Variants in ZRANB3 observed in about 807,000 individuals in gnomAD.
The protein encoded by ZRANB3 is zinc finger RANBP2-type containing 3.
ZRANB3 carries 125 observed loss-of-function variants against 133.8 expected under a neutral mutation model. That is an observed-to-expected ratio of 0.93 (90% CI 0.81 to 1.08). ZRANB3 has a LOEUF of 1.08. Among genes scored for constraint, ZRANB3 ranks in the 50% least tolerant of loss-of-function variants. The pLI, the probability that ZRANB3 is intolerant of heterozygous loss-of-function variation, is 0.00. For synonymous variants in ZRANB3, 387 were observed against 432.7 expected, an observed-to-expected ratio of 0.89 and a Z score of 1.31; for missense variants, 1,229 against 1,275.5, an observed-to-expected ratio of 0.96 and a Z score of 0.56.
rs758344062 is a variant in ZRANB3, at chr2:135,268,984, A to C, written c.1364T>G (p.Met455Arg). ...TACCTTGCGATTCAACATTCCCCAC[A>C]TAAGGGTGTCTAGGGTTCCATTTGC... Reference protein sequence around the residue: ...LIANGTLDTLMWGMLNRKAQV... With the variant: ...LIANGTLDTLRWGMLNRKAQV... The change falls in exon 11 of 21, where the codon ATG becomes AGG. Residue 455 changes from methionine to arginine, a missense_variant. By Grantham distance (91) the Met-to-Arg change is moderately conservative. Transcript: ENST00000264159. 7 of 1,607,160 alleles carry C rather than the reference A, an allele frequency of 4.4e-6. No individual in the cohort carries two copies. The African/African-American group carries it at 8.0e-5, about 18-fold the overall frequency.
At chr2:135,458,047 G>T (rs1004739656) in intron 2 of ZRANB3, among the ~76,000 whole-genome samples, 3 of 152,046 alleles carry the variant, frequency 2.0e-5, no homozygotes, top group African/African-American at 7.2e-5. Context: ...TTACATCTTT[G>T]ATCTATTTTG....
intron 8 of ZRANB3, among the ~76,000 whole-genome samples, chr2:135,306,762 G>T (rs1302126414): frequency 6.6e-6 from 1 of 151,804 alleles, no homozygotes; most frequent in Admixed American, 6.6e-5. Flanking sequence ...CTAATTTTTT[G>T]TATTTCTGGT....
chr2:135,239,465 C>T (rs1219703420), intron 12 of ZRANB3, among the ~76,000 whole-genome samples: 1 of 151,502 alleles, frequency 6.6e-6, no homozygotes, highest in East Asian at 1.9e-4. Context: ...TTAGGCTGTT[C>T]CCATATTTGT....
At chr2:135,343,192 A>AAC in intron 6 of ZRANB3, among the ~76,000 whole-genome samples, 1 of 148,014 alleles carries the variant, frequency 6.8e-6, no homozygotes, top group Non-Finnish European at 1.5e-5. Context: ...TCTCCAAAAA[A>AAC]AAAAAAAAAA....
chr2:135,252,917 T>C (rs1679475072), intron 12 of ZRANB3, among the ~76,000 whole-genome samples: 1 of 152,184 alleles, frequency 6.6e-6, no homozygotes. Context: ...TCCACTCAGG[T>C]CTCATTTTAT....
chr2:135,245,598 T>C (rs1228864124), intron 12 of ZRANB3, among the ~76,000 whole-genome samples: 1 of 151,390 alleles, frequency 6.6e-6, no homozygotes, highest in East Asian at 2.0e-4. Flanking sequence ...ACTACAAGCA[T>C]GTGCCACCAT....
In ZRANB3 at chr2:135,202,554, G is replaced by C. The variant is rs566210674; in HGVS notation, c.3141+278C>G. 22 of 216,880 alleles carry C rather than the reference G, an allele frequency of 1.0e-4. 1 individual carries two copies. The East Asian group carries it at 2.2e-3, about 22-fold the overall frequency. The allele number at this position is 216,880 out of a possible 1,614,324, so 13.4% of individuals were successfully genotyped here. A position where few individuals can be genotyped will look rare whatever the true frequency, so the allele number is the denominator to read the frequency against. On this transcript the variant is annotated intron_variant, in intron 20 of 20. Coordinates refer to ENST00000264159, the MANE Select transcript of ZRANB3 (RefSeq NM_032143.4). The stretch of plus-strand genomic sequence containing the variant: ...CACCAAACTTCCAGTTTGAGGATCC[G>C]GGTCTCATCAAGACAATATGTAAAC...
chr2:135,307,818 G>A (rs1682777113), intron 8 of ZRANB3, among the ~76,000 whole-genome samples: 1 of 152,120 alleles, frequency 6.6e-6, no homozygotes, highest in South Asian at 2.1e-4. Flanking sequence ...GTTCTGTTTA[G>A]GTTCTCTTGT....
At chr2:135,286,119 TTACATGGA>T (rs1377311952) in intron 8 of ZRANB3, among the ~76,000 whole-genome samples, 1 of 152,174 alleles carries the variant, frequency 6.6e-6, no homozygotes, top group Non-Finnish European at 1.5e-5. Context: ...TGGTGTTTGG[TTACATGGA>T]TATGTTCTTT....
intron 8 of ZRANB3, among the ~76,000 whole-genome samples, chr2:135,290,566 T>A (rs546662811): frequency 6.6e-6 from 1 of 152,328 alleles, no homozygotes; most frequent in East Asian, 1.9e-4. Flanking sequence ...TCTGTAACAT[T>A]TAAGCGCAGC....
intron 1 of ZRANB3, among the ~76,000 whole-genome samples, chr2:135,516,408 T>C (rs1334409499): frequency 6.6e-6 from 1 of 152,214 alleles, no homozygotes; most frequent in African/African-American, 2.4e-5. Flanking sequence ...CTGGTACCAG[T>C]TGTTCCTTTC....
intron 8 of ZRANB3, among the ~76,000 whole-genome samples, chr2:135,279,352 G>A (rs111229982): frequency 9.1e-4 from 138 of 152,214 alleles, no homozygotes; most frequent in African/African-American, 3.1e-3. Context: ...ATGAGAGTAG[G>A]GGCTGTTAAG....
rs565755951 is a variant in ZRANB3, at chr2:135,405,291, C to G, written c.162-14471G>C. On this transcript the variant is annotated intron_variant, in intron 2 of 20. Coordinates refer to ENST00000264159, the MANE Select transcript of ZRANB3 (RefSeq NM_032143.4). ...CTAACTATCCTAAATATACATGCAC[C>G]CAATACAGGAGCACCCAGATTCATA... Among the ~76,000 whole-genome samples, 7 of 152,198 alleles carry G rather than the reference C, an allele frequency of 4.6e-5. 1 individual carries two copies. In the East Asian group the frequency reaches 1.4e-3, roughly 29 times the overall value.
chr2:135,475,305 T>C lies in ZRANB3; in HGVS notation c.161+29024A>G, dbSNP rs146876259. Reference sequence around the variant, plus strand: ...GGGGTCCCATTTATGTCTTCACTGCTAGAGAGGAACCTCTTCCTGCCCTCC... The same window carrying C: ...GGGGTCCCATTTATGTCTTCACTGCCAGAGAGGAACCTCTTCCTGCCCTCC... On this transcript the variant is annotated intron_variant, in intron 2 of 20. Coordinates refer to ENST00000264159, the MANE Select transcript of ZRANB3 (RefSeq NM_032143.4). 2.6e-3 allele frequency among the ~76,000 whole-genome samples: 402 copies of C among 152,346 alleles called. 2 individuals carry two copies. The highest frequency in any genetic ancestry group is 8.8e-3 in the African/African-American group (366 of 41,576).
chr2:135,411,458 C>T (rs567317719), intron 2 of ZRANB3, among the ~76,000 whole-genome samples: 1 of 152,092 alleles, frequency 6.6e-6, no homozygotes, highest in Non-Finnish European at 1.5e-5. Context: ...CAAGAAGACA[C>T]CTGCACTCAT....
intron 2 of ZRANB3, among the ~76,000 whole-genome samples, chr2:135,417,053 A>G (rs2104963025): frequency 6.6e-6 from 1 of 152,334 alleles, no homozygotes; most frequent in East Asian, 1.9e-4. Context: ...GGCATGGGCA[A>G]GGACTTCATG....
chr2:135,432,183 G>A (rs1689352796), intron 2 of ZRANB3, among the ~76,000 whole-genome samples: 1 of 152,174 alleles, frequency 6.6e-6, no homozygotes. Context: ...CCAGGAGGCG[G>A]AGGCTGCAGT....
rs78622653 is a variant in ZRANB3 at position 135,350,699 on chromosome 2, G to A, written c.360-484C>T. Among the ~76,000 whole-genome samples the A allele has an allele frequency of 3.0e-3, 450 of 152,292 alleles. 3 individuals carry two copies. Among genetic ancestry groups the A allele is most frequent in the African/African-American group, 0.01 (418 of 41,564 alleles). Reference sequence around the variant, plus strand: ...GTAGCAGAACAGACTTAACAGGGCTGTTCAGTGCACCGCAGAGCTTCATTT... The same window carrying A: ...GTAGCAGAACAGACTTAACAGGGCTATTCAGTGCACCGCAGAGCTTCATTT... On this transcript the variant is annotated intron_variant, in intron 4 of 20. Transcript: ENST00000264159.
chr2:135,495,773 G>A (rs1298148298), intron 2 of ZRANB3, among the ~76,000 whole-genome samples: 3 of 152,174 alleles, frequency 2.0e-5, no homozygotes, highest in African/African-American at 7.2e-5. Flanking sequence ...TACTCTGAGT[G>A]ATGGTAATGT....
Sources: allele counts gnomAD v4.1 joint callset (sites outside exome capture counted in the v4.1 genomes callset), GRCh38; gene constraint gnomAD v4.1.1; transcripts MANE v1.5; gene names NCBI Gene and HGNC (gene_info 2026-07-23, HGNC 2026-07-21).